The following NETO1 variants were observed in gnomAD, a reference collection of about 807,000 sequenced individuals.
NETO1 encodes neuropilin and tolloid like 1.
Under a neutral mutation model 61.3 loss-of-function variants are expected in NETO1, and 26 were observed. The ratio of observed to expected loss-of-function variants is 0.42; its 90% confidence interval spans 0.31 to 0.59. The LOEUF is 0.59. NETO1 is among the 20% of genes least tolerant of loss of function. The probability of loss-of-function intolerance (pLI) is 0.12; values close to 1 mark genes in which losing one functional copy is unlikely to be tolerated. For synonymous variants in NETO1, 225 were observed against 225.8 expected (o/e 1.00, Z 0.03); for missense variants, 531 against 662.8 (o/e 0.80, Z 2.18).
At chr18:72,812,635 T>C (rs1364945192) in intron 4 of NETO1, among the ~76,000 whole-genome samples, 1 of 152,178 alleles carries the variant, frequency 6.6e-6, no homozygotes, top group African/African-American at 2.4e-5. Flanking sequence ...TAGTAATGCT[T>C]AGAGCCAATC....
chr18:72,855,578 G>T (rs1261299066), intron 4 of NETO1, among the ~76,000 whole-genome samples: 1 of 152,164 alleles, frequency 6.6e-6, no homozygotes, highest in African/African-American at 2.4e-5. Context: ...CTCCAGTTGG[G>T]CTGTTCCCAC....
chr18:72,772,945 C>T (rs2071425661), intron 7 of NETO1, among the ~76,000 whole-genome samples: 1 of 147,970 alleles, frequency 6.8e-6, no homozygotes, highest in African/African-American at 2.5e-5. Context: ...CTCTTCCTGT[C>T]CAAGTTCACA....
intron 6 of NETO1, among the ~76,000 whole-genome samples, chr18:72,790,945 G>A (rs2072094696): frequency 6.6e-6 from 1 of 152,016 alleles, no homozygotes; most frequent in Non-Finnish European, 1.5e-5. Context: ...TTTCATTCTG[G>A]TGGCTGTTTT....
chr18:72,810,248 T>C (rs2072821815), intron 4 of NETO1, among the ~76,000 whole-genome samples: 1 of 152,216 alleles, frequency 6.6e-6, no homozygotes, highest in South Asian at 2.1e-4. Flanking sequence ...TCCCAATTAT[T>C]ACAGTAATTT....
rs564362290 is a variant in NETO1 at position 72,794,222 on chromosome 18, A to G, written c.534T>C (p.Gly178=). 1 of 1,614,138 alleles carries G rather than the reference A, an allele frequency of 6.2e-7. No individual in the cohort carries two copies. The highest frequency in any genetic ancestry group is 2.2e-5 in the East Asian group (1 of 44,874). Reference sequence around the variant, plus strand: ...GTATAGACTCCACAATTCCTTCGGAACCGCCCATCTCAAACTCACACGCTA... The same window carrying G: ...GTATAGACTCCACAATTCCTTCGGAGCCGCCCATCTCAAACTCACACGCTA... ...PLPACEFEMG[G]SEGIVESIQI... The change falls in exon 6 of 11, where the codon GGT becomes GGC. Residue 178 remains glycine, a synonymous_variant. Transcript: ENST00000327305.
At chr18:72,845,122 T>C (rs2074046104) in intron 4 of NETO1, among the ~76,000 whole-genome samples, 1 of 152,256 alleles carries the variant, frequency 6.6e-6, no homozygotes, top group African/African-American at 2.4e-5. Context: ...TGACCAAGTA[T>C]GGGTTAATAA....
intron 6 of NETO1, among the ~76,000 whole-genome samples, chr18:72,789,999 C>T (rs749736779): frequency 6.6e-5 from 10 of 152,144 alleles, no homozygotes; most frequent in Non-Finnish European, 1.2e-4. Flanking sequence ...CTTTTATCAC[C>T]ACTTTACTGT....
intron 4 of NETO1, among the ~76,000 whole-genome samples, chr18:72,811,794 G>A (rs561574305): frequency 6.6e-6 from 1 of 152,240 alleles, no homozygotes; most frequent in Admixed American, 6.5e-5. Context: ...GACAGAGTGA[G>A]ACCCTGTCTG....
chr18:72,821,166 C>T (rs17086385), intron 4 of NETO1, among the ~76,000 whole-genome samples: 3,262 of 149,246 alleles, frequency 0.022, 126 homozygotes, highest in African/African-American at 0.077. Context: ...ATCCTGTCCT[C>T]TCCTTAGCCC....
chr18:72,743,743 A>T (rs1039520243), downstream of NETO1: 2 of 152,196 alleles, frequency 1.3e-5, no homozygotes, highest in Admixed American at 6.6e-5. Flanking sequence ...GTGAATAAAG[A>T]GTACAAATTT....
intron 4 of NETO1, among the ~76,000 whole-genome samples, chr18:72,810,340 T>C (rs935760724): frequency 6.6e-6 from 1 of 152,180 alleles, no homozygotes; most frequent in Non-Finnish European, 1.5e-5. Context: ...GCTGGCTAGT[T>C]TGGGACCACA....
intron 6 of NETO1, among the ~76,000 whole-genome samples, chr18:72,793,266 GA>G (rs1226900710): frequency 6.6e-6 from 1 of 152,052 alleles, no homozygotes; most frequent in Non-Finnish European, 1.5e-5. Flanking sequence ...TGTAACTGAG[GA>G]ATATAAACCA....
At chr18:72,785,847 G>C (rs1458905020) in intron 6 of NETO1, among the ~76,000 whole-genome samples, 1 of 152,146 alleles carries the variant, frequency 6.6e-6, no homozygotes, top group Non-Finnish European at 1.5e-5. Flanking sequence ...TGTCAAGACA[G>C]TTCAACGGTT....
chr18:72,766,081 T>C (rs906045660), intron 7 of NETO1, among the ~76,000 whole-genome samples: 9 of 151,778 alleles, frequency 5.9e-5, no homozygotes, highest in Admixed American at 1.3e-4. Context: ...GTGGTGCATG[T>C]CTGTAATCCC....
In NETO1 at chr18:72,810,844, G is replaced by A. The variant is rs145145288; in HGVS notation, c.470-16440C>T. Among the ~76,000 whole-genome samples, 334 of 152,252 alleles carry A rather than the reference G, an allele frequency of 2.2e-3. 2 individuals carry two copies. The highest frequency in any genetic ancestry group is 7.9e-3 in the African/African-American group (327 of 41,550). ...CATAAATCAATATCATATTTTTTAG[G>A]TTCGGTGATGTTAGAAGGAAAGAAT... On this transcript the variant is annotated intron_variant, in intron 4 of 10. Coordinates refer to ENST00000327305, the MANE Select transcript of NETO1 (RefSeq NM_138966.5).
chr18:72,765,906 C>T (rs950528163), intron 7 of NETO1, among the ~76,000 whole-genome samples: 1 of 151,922 alleles, frequency 6.6e-6, no homozygotes, highest in Non-Finnish European at 1.5e-5. Context: ...TCAAAAATGT[C>T]ATTAAAAATA....
In NETO1 at chr18:72,867,352, TC is replaced by T; in HGVS notation, c.-62del. ...AATTCCATTTAGAGACGGGAAGACT[TC>T]CAGTGGCGGGGGGAGGACAGGGTCG... is the stretch of plus-strand genomic sequence containing the variant. On this transcript the variant is annotated 5_prime_UTR_variant, in exon 1 of 11. Transcript: ENST00000327305. The T allele has an allele frequency of 6.9e-7, 1 of 1,457,430 alleles. No individual in the cohort carries two copies. Among genetic ancestry groups the T allele is most frequent in the Non-Finnish European group, 9.3e-7 (1 of 1,077,134 alleles). 90.3% of individuals were successfully genotyped at this position (1,457,430 alleles called of 1,614,324 possible). A position where few individuals can be genotyped will look rare whatever the true frequency, so the allele number is the denominator to read the frequency against.
chr18:72,756,179 A>G, intron 7 of NETO1, 32 bp from the exon 8 acceptor site: 2 of 1,055,330 alleles, frequency 1.9e-6, no homozygotes, highest in Non-Finnish European at 2.9e-6. Context: ...CAAAGGAGGA[A>G]AGTTATAACT....
rs2070416896 is a variant in NETO1 at position 72,745,706 on chromosome 18, T to C, written c.*2473A>G. 3 of 152,206 alleles carry C rather than the reference T, an allele frequency of 2.0e-5. No individual in the cohort carries two copies. Among genetic ancestry groups the C allele is most frequent in the African/African-American group, 7.2e-5 (3 of 41,468 alleles). 9.4% of individuals were successfully genotyped at this position (152,206 alleles called of 1,614,324 possible). The stretch of plus-strand genomic sequence containing the variant: ...TATATTGACAAATTTCAATACTGGC[T>C]GATAAATAAGCACCGCCAGAGCCCT... On this transcript the variant is annotated 3_prime_UTR_variant, in exon 11 of 11. Coordinates refer to ENST00000327305, the MANE Select transcript of NETO1 (RefSeq NM_138966.5).
Sources: allele counts gnomAD v4.1 joint callset (sites outside exome capture counted in the v4.1 genomes callset), GRCh38; gene constraint gnomAD v4.1.1; transcripts MANE v1.5; gene names NCBI Gene and HGNC (gene_info 2026-07-23, HGNC 2026-07-21).